Variants in PDS5A observed in about 807,000 individuals in gnomAD.
PDS5A encodes the protein sister chromatid cohesion protein PDS5 homolog A.
A neutral mutation model predicts 167.1 loss-of-function variants in PDS5A; 42 were observed. That is an observed-to-expected ratio of 0.25 (90% CI 0.20 to 0.33). The LOEUF is 0.33. PDS5A is among the 10% of genes least tolerant of loss of function. PDS5A has a pLI of 1.00. For synonymous variants in PDS5A, 553 were observed against 554.6 expected, an observed-to-expected ratio of 1.00 and a Z score of 0.04; for missense variants, 1,033 against 1,605.9, an observed-to-expected ratio of 0.64 and a Z score of 6.10.
chr4:39,935,404 T>A (rs1434814762), intron 2 of PDS5A, among the ~76,000 whole-genome samples: 1 of 152,224 alleles, frequency 6.6e-6, no homozygotes, highest in Non-Finnish European at 1.5e-5. Context: ...GGCCTTCCGA[T>A]GTGTTCTTGG....
At chr4:39,888,183 T>C (rs775869089) in intron 17 of PDS5A, among the ~76,000 whole-genome samples, 31 of 145,042 alleles carry the variant, frequency 2.1e-4, no homozygotes, top group African/African-American at 3.7e-4. Context: ...GAGGTGAAGA[T>C]TGCAGTGAGC....
At chr4:39,871,901 T>A (rs1203934207) in intron 21 of PDS5A, among the ~76,000 whole-genome samples, 1 of 151,976 alleles carries the variant, frequency 6.6e-6, no homozygotes, top group Non-Finnish European at 1.5e-5. Context: ...AGACAGGGTT[T>A]CACCATGTTG....
At chr4:39,858,552 C>A (rs1023777867) in intron 26 of PDS5A, among the ~76,000 whole-genome samples, 2 of 152,160 alleles carry the variant, frequency 1.3e-5, no homozygotes, top group Admixed American at 1.3e-4. Context: ...CCACATGCAA[C>A]AATTAATTTA....
intron 10 of PDS5A, chr4:39,908,844 T>C (rs1010165646): frequency 8.1e-6 from 2 of 246,228 alleles, no homozygotes; most frequent in East Asian, 1.9e-4. Flanking sequence ...TTAGGCAACA[T>C]GGCAAAACCC....
chr4:39,901,362 G>A lies in PDS5A; in HGVS notation c.1500-855C>T, dbSNP rs28675031. On this transcript the variant is annotated intron_variant, in intron 13 of 32. Coordinates refer to ENST00000303538, the MANE Select transcript of PDS5A (RefSeq NM_001100399.2). ...GGCTCACTGCAACATCTGCCTCCTG[G>A]GTTCAAGCAATTCTCCGGCCTCAGC... is the stretch of plus-strand genomic sequence containing the variant. Among the ~76,000 whole-genome samples, 1,428 of 150,142 alleles carry A rather than the reference G, an allele frequency of 9.5e-3. 29 individuals carry two copies. The highest frequency in any genetic ancestry group is 0.033 in the African/African-American group (1,340 of 40,792).
At chr4:39,908,362 A>C (rs1421984921) in intron 11 of PDS5A, 33 bp downstream of exon 11, 1 of 1,560,464 alleles carries the variant, frequency 6.4e-7, no homozygotes, top group Admixed American at 1.7e-5. Flanking sequence ...TTAAACAGTA[A>C]ATTACAGAAG....
intron 2 of PDS5A, among the ~76,000 whole-genome samples, chr4:39,946,956 A>G (rs971451013): frequency 6.6e-6 from 1 of 151,846 alleles, no homozygotes; most frequent in African/African-American, 2.4e-5. Context: ...AAGGACTACT[A>G]TAGGCTGGAA....
intron 32 of PDS5A, among the ~76,000 whole-genome samples, chr4:39,831,372 T>C (rs140219628): frequency 0.078 from 11,886 of 152,056 alleles, 527 homozygotes; most frequent in Middle Eastern, 0.17. Context: ...GTGCTGGGAT[T>C]ACAGGCGTGA....
At chr4:39,905,330 G>A (rs1723236781) in intron 11 of PDS5A, among the ~76,000 whole-genome samples, 1 of 152,070 alleles carries the variant, frequency 6.6e-6, no homozygotes, top group Non-Finnish European at 1.5e-5. Flanking sequence ...GGCCGAGGCA[G>A]GTGGATCACC....
chr4:39,843,482 C>A (rs1717251697), intron 30 of PDS5A, among the ~76,000 whole-genome samples: 1 of 151,940 alleles, frequency 6.6e-6, no homozygotes, highest in African/African-American at 2.4e-5. Flanking sequence ...GACTGTAATC[C>A]CAGCACTTTG....
chr4:39,827,157 G>A (rs1372466883), intron 32 of PDS5A, among the ~76,000 whole-genome samples: 4 of 151,918 alleles, frequency 2.6e-5, no homozygotes, highest in African/African-American at 9.7e-5. Flanking sequence ...GCGCCCCCAC[G>A]CGCAGCTAAT....
intron 32 of PDS5A, among the ~76,000 whole-genome samples, chr4:39,828,123 T>A (rs1276645445): frequency 6.6e-6 from 1 of 152,190 alleles, no homozygotes; most frequent in Non-Finnish European, 1.5e-5. Flanking sequence ...TTTACTGGTT[T>A]TATTGGGTGA....
intron 2 of PDS5A, among the ~76,000 whole-genome samples, chr4:39,959,680 C>T (rs1043325901): frequency 1.3e-5 from 2 of 152,138 alleles, no homozygotes; most frequent in African/African-American, 4.8e-5. Flanking sequence ...TAAGGCCAGG[C>T]ATGGTGGTTC....
At chr4:39,917,731 T>C (rs1724522510) in intron 7 of PDS5A, among the ~76,000 whole-genome samples, 1 of 152,110 alleles carries the variant, frequency 6.6e-6, no homozygotes, top group Non-Finnish European at 1.5e-5. Flanking sequence ...CCCGCCACCA[T>C]GCCCAGCTAA....
intron 30 of PDS5A, among the ~76,000 whole-genome samples, chr4:39,842,907 T>TATATATATATA (rs1560419555): frequency 0.064 from 1,799 of 28,178 alleles, 76 homozygotes; most frequent in Non-Finnish European, 0.075. Context: ...CTTATCCTAT[T>TATATATATATA]TTTATATATA....
chr4:39,910,396 C>G, intron 9 of PDS5A, 58 bp from the exon 10 acceptor site: 2 of 841,836 alleles, frequency 2.4e-6, no homozygotes, highest in South Asian at 2.9e-5. Context: ...ACTCTCAAAT[C>G]AGGTATATCT....
chr4:39,864,433 C>T (rs1719254004), intron 23 of PDS5A, among the ~76,000 whole-genome samples: 1 of 152,202 alleles, frequency 6.6e-6, no homozygotes, highest in South Asian at 2.1e-4. Flanking sequence ...TTGGCACTCC[C>T]ACCCCGACAC....
rs1014718569 is a variant in PDS5A, at chr4:39,977,275, T to C, written c.-41+182A>G. Among the ~76,000 whole-genome samples, 3 of 151,950 alleles carry C rather than the reference T, an allele frequency of 2.0e-5. No homozygotes were observed. Among genetic ancestry groups the C allele is most frequent in the African/African-American group, 7.2e-5 (3 of 41,404 alleles). On this transcript the variant is annotated intron_variant, in intron 1 of 32. Coordinates refer to ENST00000303538, the MANE Select transcript of PDS5A (RefSeq NM_001100399.2). This position sits in a 1 kb window ranked among gnomAD's most constrained non-coding sequence, Gnocchi z 4.2. ...CACATTTTGTTCCTTCAACTTCGGCTGAGGGACCCCAGCTGCTTCTCTGGC... is the reference window on the plus strand; with the variant it reads ...CACATTTTGTTCCTTCAACTTCGGCCGAGGGACCCCAGCTGCTTCTCTGGC...
intron 2 of PDS5A, among the ~76,000 whole-genome samples, chr4:39,955,679 T>G (rs985969953): frequency 2.6e-5 from 4 of 151,936 alleles, no homozygotes; most frequent in African/African-American, 9.7e-5. Flanking sequence ...GAGGCATGTG[T>G]GACTGGGGAG....
Sources: allele counts gnomAD v4.1 joint callset (sites outside exome capture counted in the v4.1 genomes callset), GRCh38; gene constraint gnomAD v4.1.1; non-coding constraint Gnocchi (gnomAD v3.1); transcripts MANE v1.5; gene names NCBI Gene and HGNC (gene_info 2026-07-23, HGNC 2026-07-21).